Variants in TENM2 observed in about 807,000 individuals in gnomAD.
The protein encoded by TENM2 is teneurin-2.
A neutral mutation model predicts 245.2 loss-of-function variants in TENM2; 52 were observed. That is an observed-to-expected ratio of 0.21 (90% CI 0.17 to 0.27). The LOEUF is 0.27. Among genes scored for constraint, TENM2 ranks in the 10% least tolerant of loss-of-function variants. TENM2 has a pLI of 1.00. For missense variants in TENM2, 3,046 were observed against 3,666.8 expected, an observed-to-expected ratio of 0.83 and a Z score of 4.37; for synonymous variants, 1,363 against 1,438.9, an observed-to-expected ratio of 0.95 and a Z score of 1.19.
chr5:167,913,971 G>A (rs990029954), intron 3 of TENM2, among the ~76,000 whole-genome samples: 9 of 152,212 alleles, frequency 5.9e-5, no homozygotes, highest in Non-Finnish European at 1.2e-4. Flanking sequence ...TGCGTCTGGT[G>A]AGCAATCAAT....
At chr5:167,922,256 G>A (rs1194753722) in intron 3 of TENM2, among the ~76,000 whole-genome samples, 2 of 151,988 alleles carry the variant, frequency 1.3e-5, no homozygotes, top group Non-Finnish European at 2.9e-5. Flanking sequence ...CCTCCTTAGT[G>A]TACACTGACT....
chr5:167,399,387 C>T (rs114968177), intron 2 of TENM2, among the ~76,000 whole-genome samples: 8 of 152,118 alleles, frequency 5.3e-5, no homozygotes, highest in African/African-American at 1.7e-4. Flanking sequence ...TAGTGCAGAG[C>T]GCCTTTAACT....
chr5:167,262,314 C>T, the TENM2 span, among the ~76,000 whole-genome samples: 39 of 151,216 alleles, frequency 2.6e-4, no homozygotes, highest in East Asian at 3.3e-3. Context: ...GCTGGGATCA[C>T]GCCCTTACAC....
chr5:167,044,109 G>A, the TENM2 span, among the ~76,000 whole-genome samples: 86 of 151,942 alleles, frequency 5.7e-4, no homozygotes, highest in Admixed American at 1.2e-3. Context: ...CAGTGAAGAC[G>A]GTTCATTAGA....
chr5:167,392,182 A>C (rs1211201986), intron 2 of TENM2, among the ~76,000 whole-genome samples: 1 of 152,174 alleles, frequency 6.6e-6, no homozygotes, highest in African/African-American at 2.4e-5. Flanking sequence ...AGAGAAAAGG[A>C]ATTTAAAAAG....
intron 12 of TENM2, among the ~76,000 whole-genome samples, chr5:168,149,260 G>A (rs777926594): frequency 7.9e-5 from 12 of 152,188 alleles, no homozygotes; most frequent in Non-Finnish European, 1.2e-4. Flanking sequence ...GTCCTGATGC[G>A]GCACGATGCT....
intron 3 of TENM2, among the ~76,000 whole-genome samples, chr5:167,898,276 T>C (rs1775384826): frequency 6.6e-6 from 1 of 152,158 alleles, no homozygotes; most frequent in Non-Finnish European, 1.5e-5. Context: ...ACCTCTCTCC[T>C]TTCCCTGGAC....
intron 2 of TENM2, among the ~76,000 whole-genome samples, chr5:167,689,227 A>T (rs1034073077): frequency 6.6e-6 from 1 of 152,266 alleles, no homozygotes; most frequent in African/African-American, 2.4e-5. Context: ...AGTGGGAAGG[A>T]AAGAGGAGTG....
At chr5:167,428,934 A>G (rs780890674) in intron 2 of TENM2, among the ~76,000 whole-genome samples, 8 of 152,288 alleles carry the variant, frequency 5.3e-5, no homozygotes, top group Non-Finnish European at 7.4e-5. Context: ...ATGTTCCATC[A>G]CTATTAAAAA....
chr5:167,398,369 TCTTTCTTC>T (rs1308714177), intron 2 of TENM2, among the ~76,000 whole-genome samples: 4 of 131,478 alleles, frequency 3.0e-5, no homozygotes, highest in Non-Finnish European at 4.7e-5. Flanking sequence ...TTCTTTCCTT[TCTTTCTTC>T]CTTTCTTTCT....
At chr5:167,139,215 G>A in the TENM2 span, among the ~76,000 whole-genome samples, 4 of 152,292 alleles carry the variant, frequency 2.6e-5, no homozygotes, top group African/African-American at 7.2e-5. Flanking sequence ...GATCCTGCAC[G>A]TTTCTTTTCC....
intron 1 of TENM2, among the ~76,000 whole-genome samples, chr5:167,360,452 G>T (rs543649875): frequency 1.9e-4 from 29 of 152,210 alleles, no homozygotes; most frequent in South Asian, 1.2e-3. Flanking sequence ...TTGTTCTTCC[G>T]GCCCAGGGTC....
At chr5:167,773,550 G>C (rs531459105) in intron 2 of TENM2, among the ~76,000 whole-genome samples, 1 of 152,266 alleles carries the variant, frequency 6.6e-6, no homozygotes, top group Non-Finnish European at 1.5e-5. Context: ...ATGGATAATT[G>C]TGTCATTTTC....
chr5:167,615,414 T>C (rs1373900439), intron 2 of TENM2, among the ~76,000 whole-genome samples: 1 of 152,174 alleles, frequency 6.6e-6, no homozygotes, highest in Admixed American at 6.5e-5. Context: ...ACAAAGTAAT[T>C]AGCAAGTCGT....
At chr5:167,438,587 CG>C (rs1336199089) in intron 2 of TENM2, among the ~76,000 whole-genome samples, 2 of 151,810 alleles carry the variant, frequency 1.3e-5, no homozygotes, top group Non-Finnish European at 2.9e-5. Flanking sequence ...TTAGTAGAGA[CG>C]GGGTTTCACG....
Position 168,247,315 on chromosome 5 carries a change from G to T in TENM2, c.6376G>T (p.Val2126Leu). ...CCGCTATGATGAGATTTCTGGCAAG[G>T]TGGAACACTTTGGTAAGTTTGGAGT... Residue 2126 changes from valine to leucine, a missense_variant, in exon 27 of 29, where the codon GTG (valine) becomes TTG (leucine). Val to Leu is a conservative substitution (Grantham distance 32). Transcript: ENST00000518659. The surrounding 1 kb of genome is among the most constrained non-coding windows in gnomAD (Gnocchi z 7.8). The T allele has an allele frequency of 6.2e-7, 1 of 1,613,976 alleles. No individual in the cohort carries two copies. Among genetic ancestry groups the T allele is most frequent in the African/African-American group, 1.3e-5 (1 of 75,026 alleles).
chr5:167,997,023 G>T (rs1245678198), intron 5 of TENM2, among the ~76,000 whole-genome samples: 1 of 152,042 alleles, frequency 6.6e-6, no homozygotes, highest in African/African-American at 2.4e-5. Flanking sequence ...ACAGCCATGA[G>T]CCACCACACC....
chr5:166,984,431 CAA>C, the TENM2 span, among the ~76,000 whole-genome samples: 2 of 151,904 alleles, frequency 1.3e-5, no homozygotes, highest in East Asian at 3.9e-4. Context: ...CACTGATACT[CAA>C]TATTTTGACA....
chr5:167,687,327 T>A (rs1203909668), intron 2 of TENM2, among the ~76,000 whole-genome samples: 1 of 152,194 alleles, frequency 6.6e-6, no homozygotes. Context: ...ATGTATTTTT[T>A]AAAATATGCA....
Sources: gnomAD v4.1 joint callset for allele counts (sites outside exome capture counted in the v4.1 genomes callset) on GRCh38, gnomAD v4.1.1 for gene constraint, Gnocchi (gnomAD v3.1) non-coding constraint, MANE v1.5 for transcripts, NCBI Gene and HGNC (gene_info 2026-07-23, HGNC 2026-07-21) for gene names.